Variants in LRP1B observed in about 807,000 individuals in gnomAD.
The protein encoded by LRP1B is low-density lipoprotein receptor-related protein 1B.
In LRP1B, 217 loss-of-function variants were observed where a neutral mutation model predicts 556.6. The observed-to-expected ratio is 0.39, with a 90% CI of 0.35 to 0.44. The LOEUF (loss-of-function observed/expected upper bound fraction) is 0.44. LRP1B is among the 20% of genes least tolerant of loss of function. The probability of loss-of-function intolerance (pLI) is 1.00; values close to 1 mark genes in which losing one functional copy is unlikely to be tolerated. For synonymous variants in LRP1B, 2,047 were observed against 1,865.8 expected (o/e 1.10, Z -2.50); for missense variants, 5,053 against 5,620.8 (o/e 0.90, Z 3.23).
chr2:140,328,326 C>A (rs1188969972), intron 79 of LRP1B, among the ~76,000 whole-genome samples: 1 of 151,756 alleles, frequency 6.6e-6, no homozygotes, highest in Non-Finnish European at 1.5e-5. Context: ...GATAATGGAG[C>A]TAATTATGTA....
rs527244133 is a variant in LRP1B, at chr2:141,315,391, C to G, written c.344-60750G>C. On this transcript the variant is annotated intron_variant, in intron 3 of 90. Transcript: ENST00000389484. ...TCTCCTGCCTCAGCCTCCCAAGTAGCTGGGACTACAAACGCCTGCCACCAT... is the reference window on the plus strand; with the variant it reads ...TCTCCTGCCTCAGCCTCCCAAGTAGGTGGGACTACAAACGCCTGCCACCAT... Among the ~76,000 whole-genome samples the G allele has an allele frequency of 1.1e-4, 16 of 148,464 alleles. No individual in the cohort carries two copies. The South Asian group carries it at 3.2e-3, about 30-fold the overall frequency.
chr2:142,102,664 G>A (rs562707439), intron 1 of LRP1B, among the ~76,000 whole-genome samples: 57 of 151,728 alleles, frequency 3.8e-4, no homozygotes, highest in African/African-American at 1.3e-3. Flanking sequence ...TATGAAACTC[G>A]TGCCACAAAA....
intron 2 of LRP1B, among the ~76,000 whole-genome samples, chr2:141,616,084 C>A (rs1489554068): frequency 2.0e-5 from 3 of 152,046 alleles, no homozygotes. Context: ...GAGTTTGAGA[C>A]CATCCTGGCC....
chr2:140,541,059 T>G lies in LRP1B; in HGVS notation c.7427A>C (p.His2476Pro). 1 of 1,611,406 alleles carries G rather than the reference T, an allele frequency of 6.2e-7. No individual in the cohort carries two copies. The highest frequency in any genetic ancestry group is 8.5e-7 in the Non-Finnish European group (1 of 1,178,092). The change falls in exon 45 of 91, where the codon CAT becomes CCT. Residue 2476 changes from histidine (H) to proline (P), a missense_variant. His to Pro is a moderately conservative substitution (Grantham distance 77). Coordinates refer to ENST00000389484, the MANE Select transcript of LRP1B (RefSeq NM_018557.3). ...SPCALLNGGCHDLCLLTPNGR... is the reference protein window; with the variant it reads ...SPCALLNGGCPDLCLLTPNGR... ...ATTGGGAGTTAAAAGGCACAAGTCA[T>G]GGCAGCCTCCATTCAATAATGCACA...
intron 41 of LRP1B, among the ~76,000 whole-genome samples, chr2:140,662,969 T>C (rs887732626): frequency 2.6e-5 from 4 of 152,144 alleles, no homozygotes; most frequent in Non-Finnish European, 2.9e-5. Flanking sequence ...TAAATGTGTA[T>C]AATTTCCAAA....
chr2:141,898,789 T>C (rs1699532070), intron 1 of LRP1B, among the ~76,000 whole-genome samples: 1 of 152,148 alleles, frequency 6.6e-6, no homozygotes. Flanking sequence ...AAGTCATCAC[T>C]ATAAAGCCCT....
chr2:140,491,142 G>T (rs1688682869), intron 57 of LRP1B, among the ~76,000 whole-genome samples: 1 of 152,132 alleles, frequency 6.6e-6, no homozygotes, highest in South Asian at 2.1e-4. Flanking sequence ...CAAAAGGAAT[G>T]CTGGTAGACA....
At chr2:141,231,001 G>A (rs1683439096) in intron 5 of LRP1B, among the ~76,000 whole-genome samples, 1 of 152,108 alleles carries the variant, frequency 6.6e-6, no homozygotes, top group South Asian at 2.1e-4. Flanking sequence ...AAATAAAAAG[G>A]ACACATGGAA....
intron 2 of LRP1B, among the ~76,000 whole-genome samples, chr2:141,753,454 C>A (rs1360014606): frequency 6.6e-6 from 1 of 151,558 alleles, no homozygotes; most frequent in East Asian, 1.9e-4. Flanking sequence ...TAAATGCTCA[C>A]GCTGTCCACT....
intron 21 of LRP1B, among the ~76,000 whole-genome samples, chr2:140,909,137 C>T (rs1415944304): frequency 2.6e-5 from 4 of 152,058 alleles, no homozygotes; most frequent in Middle Eastern, 3.2e-3. Flanking sequence ...ATTATTCCTC[C>T]TTTCGAAACA....
At chr2:140,732,178 A>G (rs1412407347) in intron 35 of LRP1B, among the ~76,000 whole-genome samples, 1 of 147,366 alleles carries the variant, frequency 6.8e-6, no homozygotes, top group Non-Finnish European at 1.5e-5. Context: ...TCTTCTCTCT[A>G]CTTTTTTTTT....
intron 2 of LRP1B, among the ~76,000 whole-genome samples, chr2:141,677,404 T>C (rs1312210235): frequency 6.6e-6 from 1 of 152,154 alleles, no homozygotes. Context: ...TTATTCAAAG[T>C]ACTATAGAAA....
chr2:140,890,845 G>A (rs191381820), intron 23 of LRP1B, among the ~76,000 whole-genome samples: 21 of 151,850 alleles, frequency 1.4e-4, no homozygotes, highest in Non-Finnish European at 7.4e-5. Flanking sequence ...ATGAAACCTT[G>A]TAAAAAAGTA....
At chr2:140,809,761 C>T (rs1690852911) in intron 32 of LRP1B, among the ~76,000 whole-genome samples, 1 of 152,116 alleles carries the variant, frequency 6.6e-6, no homozygotes, top group Admixed American at 6.5e-5. Context: ...TGGAGTATCC[C>T]TTGAGGTTAC....
chr2:141,868,839 G>T (rs1427149443), intron 1 of LRP1B, among the ~76,000 whole-genome samples: 2 of 151,964 alleles, frequency 1.3e-5, no homozygotes, highest in Non-Finnish European at 2.9e-5. Flanking sequence ...TGTCAAGAAA[G>T]GTATCATCTT....
At chr2:142,027,069 C>A (rs533584235) in intron 1 of LRP1B, among the ~76,000 whole-genome samples, 1 of 151,822 alleles carries the variant, frequency 6.6e-6, no homozygotes, top group Non-Finnish European at 1.5e-5. Flanking sequence ...GAAAGGTCAC[C>A]CTTACTCAGA....
At chr2:141,755,665 T>C (rs1694293216) in intron 2 of LRP1B, among the ~76,000 whole-genome samples, 1 of 152,032 alleles carries the variant, frequency 6.6e-6, no homozygotes, top group African/African-American at 2.4e-5. Context: ...AAGATTTTAT[T>C]TTAAGGTAAT....
chr2:141,327,837 C>T (rs144352042), intron 3 of LRP1B, among the ~76,000 whole-genome samples: 183 of 150,338 alleles, frequency 1.2e-3, no homozygotes, highest in Non-Finnish European at 2.2e-3. Flanking sequence ...CTAGATGGAG[C>T]GATTGAAAGA....
intron 3 of LRP1B, among the ~76,000 whole-genome samples, chr2:141,357,716 C>T (rs767947965): frequency 7.2e-5 from 11 of 152,000 alleles, no homozygotes; most frequent in Non-Finnish European, 5.9e-5. Context: ...AACTGCTAAG[C>T]AATAGAGGGT....
Sources: gnomAD v4.1 joint callset for allele counts (sites outside exome capture counted in the v4.1 genomes callset) on GRCh38, gnomAD v4.1.1 for gene constraint, MANE v1.5 for transcripts, NCBI Gene and HGNC (gene_info 2026-07-23, HGNC 2026-07-21) for gene names.